The following KDM2A variants were observed in gnomAD, a reference collection of about 807,000 sequenced individuals.
The protein encoded by KDM2A is lysine demethylase 2A.
A neutral mutation model predicts 137.3 loss-of-function variants in KDM2A; 3 were observed. That is an observed-to-expected ratio of 0.02 (90% CI 0.01 to 0.06). The LOEUF (loss-of-function observed/expected upper bound fraction) is 0.06, where lower values mean the gene tolerates loss of function less well. Among genes scored for constraint, KDM2A ranks in the 10% least tolerant of loss-of-function variants. The probability of loss-of-function intolerance (pLI) is 1.00; values close to 1 mark genes in which losing one functional copy is unlikely to be tolerated. For synonymous variants in KDM2A, 512 were observed against 541.5 expected (o/e 0.95, Z 0.76); for missense variants, 738 against 1,510.6 (o/e 0.49, Z 8.48).
At chr11:67,213,833 C>T (rs1358766952) in intron 6 of KDM2A, among the ~76,000 whole-genome samples, 1 of 150,966 alleles carries the variant, frequency 6.6e-6, no homozygotes, top group African/African-American at 2.4e-5. Flanking sequence ...ATCCTTACAA[C>T]GTATCTTTGA....
chr11:67,213,755 CAAAAAA>C (rs71056186), intron 6 of KDM2A, among the ~76,000 whole-genome samples: 1 of 77,194 alleles, frequency 1.3e-5, no homozygotes, highest in Non-Finnish European at 3.2e-5. Context: ...CAGACCGTCT[CAAAAAA>C]AAAAAAAAAA....
intron 10 of KDM2A, among the ~76,000 whole-genome samples, chr11:67,220,739 A>G (rs1340072922): frequency 6.6e-6 from 1 of 152,192 alleles, no homozygotes; most frequent in African/African-American, 2.4e-5. Flanking sequence ...TAAAGTGTCT[A>G]TTGTAACTGT....
In KDM2A at chr11:67,185,791, G is replaced by A. The variant is rs1429442665; in HGVS notation, c.307+3899G>A. 2.6e-5 allele frequency among the ~76,000 whole-genome samples: 4 copies of A among 151,958 alleles called. No homozygotes were observed. The East Asian group carries it at 5.8e-4, about 22-fold the overall frequency. The stretch of plus-strand genomic sequence containing the variant: ...GGTGCTGTTATAAAAGCATGAGTTC[G>A]GCCCCTTCGTGCTTTCTCTCATTCT... On this transcript the variant is annotated intron_variant, in intron 5 of 20. Transcript: ENST00000529006.
intron 10 of KDM2A, among the ~76,000 whole-genome samples, chr11:67,226,217 A>G (rs1381563428): frequency 6.6e-6 from 1 of 152,050 alleles, no homozygotes; most frequent in African/African-American, 2.4e-5. Flanking sequence ...AGATCCCACC[A>G]CTGCACACTA....
chr11:67,238,429 ATAGC>A (rs1287166871), intron 12 of KDM2A, among the ~76,000 whole-genome samples: 1 of 152,216 alleles, frequency 6.6e-6, no homozygotes, highest in African/African-American at 2.4e-5. Context: ...AGACCTCTCA[ATAGC>A]TAGATCACTG....
intron 2 of KDM2A, among the ~76,000 whole-genome samples, chr11:67,138,770 A>G (rs1435564886): frequency 6.6e-6 from 1 of 152,160 alleles, no homozygotes; most frequent in Non-Finnish European, 1.5e-5. Flanking sequence ...CCCCAAACGT[A>G]CTGAATCAGA....
intron 10 of KDM2A, among the ~76,000 whole-genome samples, chr11:67,222,374 G>T (rs113350825): frequency 0.019 from 449 of 23,318 alleles, 8 homozygotes; most frequent in East Asian, 0.047. Flanking sequence ...ATGTTTCAGA[G>T]AGCACAGGGT....
At chr11:67,142,989 T>G (rs1198995976) in intron 2 of KDM2A, among the ~76,000 whole-genome samples, 2 of 151,190 alleles carry the variant, frequency 1.3e-5, no homozygotes. Context: ...ACTTCATCTG[T>G]AAACACTTCA....
In KDM2A at chr11:67,254,486, G is replaced by A; in HGVS notation, c.3307+68G>A. 1.5e-6 allele frequency: 2 copies of A among 1,367,006 alleles called. No individual in the cohort carries two copies. The highest frequency in any genetic ancestry group is 1.4e-5 in the African/African-American group (1 of 70,388). The allele number at this position is 1,367,006 out of a possible 1,614,324, so 84.7% of individuals were successfully genotyped here. A position where few individuals can be genotyped will look rare whatever the true frequency, so the allele number is the denominator to read the frequency against. Reference sequence around the variant, plus strand: ...TCCAGCCCTCCCTGGAACTTGATCAGTAAACCAGAATGACCTTGGGTCTGT... The same window carrying A: ...TCCAGCCCTCCCTGGAACTTGATCAATAAACCAGAATGACCTTGGGTCTGT... On this transcript the variant is annotated intron_variant, in intron 20 of 20. Transcript: ENST00000529006. The surrounding 1 kb of genome is among the most constrained non-coding windows in gnomAD (Gnocchi z 4.7).
intron 2 of KDM2A, among the ~76,000 whole-genome samples, chr11:67,153,603 C>G (rs141713945): frequency 6.6e-6 from 1 of 152,010 alleles, no homozygotes; most frequent in Non-Finnish European, 1.5e-5. Flanking sequence ...CCCAGCACTT[C>G]GGAAGGATTA....
chr11:67,190,031 C>G (rs1857312297), intron 5 of KDM2A, among the ~76,000 whole-genome samples: 1 of 152,172 alleles, frequency 6.6e-6, no homozygotes, highest in African/African-American at 2.4e-5. Flanking sequence ...AAAGGTGGTT[C>G]TTCTTTGAAA....
At chr11:67,130,019 A>G (rs943155003) in intron 2 of KDM2A, among the ~76,000 whole-genome samples, 7 of 149,440 alleles carry the variant, frequency 4.7e-5, no homozygotes, top group Admixed American at 1.3e-4. Flanking sequence ...CTGGAGTGCA[A>G]TGGTGCGATC....
intron 5 of KDM2A, among the ~76,000 whole-genome samples, chr11:67,202,501 G>C (rs1295071461): frequency 6.6e-6 from 1 of 152,158 alleles, no homozygotes; most frequent in Non-Finnish European, 1.5e-5. Context: ...AGCTGGGCAT[G>C]GTGGCTCACG....
intron 16 of KDM2A, among the ~76,000 whole-genome samples, chr11:67,249,754 T>C (rs568573060): frequency 1.3e-5 from 2 of 152,326 alleles, no homozygotes; most frequent in Admixed American, 1.3e-4. Context: ...CTCAGGATCT[T>C]AGTTCAAATG....
In KDM2A at chr11:67,231,776, G is replaced by A. The variant is rs369838457; in HGVS notation, c.1295G>A (p.Gly432Asp). 6.2e-7 allele frequency: 1 copy of A among 1,614,014 alleles called. No homozygotes were observed. Among genetic ancestry groups the A allele is most frequent in the South Asian group, 1.1e-5 (1 of 91,090 alleles). The change falls in exon 12 of 21, where the codon GGC becomes GAC. Residue 432 changes from glycine (G) to aspartate (D), a missense_variant. Gly to Asp is a moderately conservative substitution (Grantham distance 94). Around this residue, in one of 9 missense-constraint regions of KDM2A, gnomAD observed 113 missense variants for 133.5 expected, o/e 0.85. Transcript: ENST00000529006. ...AGDSSSDCSR[G>D]SHNGQVWDPQ... Reference sequence around the variant, plus strand: ...GACTCATCTTCTGACTGTAGCCGGGGCTCCCACAATGGACAAGTGTGGGAT... The same window carrying A: ...GACTCATCTTCTGACTGTAGCCGGGACTCCCACAATGGACAAGTGTGGGAT...
chr11:67,231,981 A>G (rs376412235), intron 12 of KDM2A, 21 bp downstream of exon 12: 2 of 1,585,950 alleles, frequency 1.3e-6, no homozygotes, highest in African/African-American at 2.7e-5. Context: ...GATGTGTTAC[A>G]TGACAGCTAC....
At chr11:67,208,768 C>CAA (rs530204253) in intron 6 of KDM2A, among the ~76,000 whole-genome samples, 8 of 67,594 alleles carry the variant, frequency 1.2e-4, no homozygotes, top group African/African-American at 1.7e-4. Flanking sequence ...GACCCTGTCT[C>CAA]AAAAAAAAAA....
intron 2 of KDM2A, among the ~76,000 whole-genome samples, chr11:67,150,622 A>G (rs1354533950): frequency 6.6e-6 from 1 of 152,154 alleles, no homozygotes; most frequent in African/African-American, 2.4e-5. Flanking sequence ...CATAGTTACT[A>G]ATCCTTTGAG....
At chr11:67,141,605 T>C (rs763044012) in intron 2 of KDM2A, among the ~76,000 whole-genome samples, 1 of 141,922 alleles carries the variant, frequency 7.0e-6, no homozygotes, top group Non-Finnish European at 1.5e-5. Context: ...AGGCAGAGCT[T>C]GCAGTGAGCT....
Sources: allele counts gnomAD v4.1 joint callset (sites outside exome capture counted in the v4.1 genomes callset), GRCh38; gene constraint gnomAD v4.1.1; regional missense constraint gnomAD v4.1.1; non-coding constraint Gnocchi (gnomAD v3.1); transcripts MANE v1.5; gene names NCBI Gene and HGNC (gene_info 2026-07-23, HGNC 2026-07-21).